Variants in PPWD1 observed in about 807,000 individuals in gnomAD.
PPWD1 encodes the protein peptidylprolyl isomerase domain and WD repeat-containing protein 1.
In PPWD1, 43 loss-of-function variants were observed where a neutral mutation model predicts 68.8. The observed-to-expected ratio is 0.62, with a 90% CI of 0.49 to 0.81. PPWD1 has a LOEUF of 0.81. Among genes scored for constraint, PPWD1 ranks in the 30% least tolerant of loss-of-function variants. The probability of loss-of-function intolerance (pLI) is 0.00; values close to 1 mark genes in which losing one functional copy is unlikely to be tolerated. For synonymous variants in PPWD1, 232 were observed against 258.7 expected (o/e 0.90, Z 0.99); for missense variants, 672 against 804.8 (o/e 0.83, Z 2.00).
chr5:65,586,245 C>A, intron 10 of PPWD1, 64 bp downstream of exon 10: 1 of 1,442,264 alleles, frequency 6.9e-7, no homozygotes, highest in South Asian at 1.4e-5. Context: ...AGAGTGAACT[C>A]AGTAGAAGAG....
chr5:65,578,638 T>C (rs985504417), intron 6 of PPWD1, among the ~76,000 whole-genome samples: 4 of 151,366 alleles, frequency 2.6e-5, no homozygotes, highest in Non-Finnish European at 5.9e-5. Flanking sequence ...TTTGATGAAG[T>C]ATATGTGAAG....
chr5:65,570,320 T>C, intron 4 of PPWD1: 4 of 885,762 alleles, frequency 4.5e-6, no homozygotes, highest in Non-Finnish European at 5.4e-6. Flanking sequence ...CTTGCTTTAC[T>C]TATTTCAGTA....
chr5:65,572,411 T>A, intron 5 of PPWD1, 125 bp downstream of exon 5: 1 of 1,018,100 alleles, frequency 9.8e-7, no homozygotes, highest in Non-Finnish European at 1.4e-6. Flanking sequence ...CTTAGCACAT[T>A]AGAGATATTC....
Position 65,579,467 on chromosome 5 carries a change from C to A in PPWD1, c.1204C>A (p.Gln402Lys). Residue 402 changes from glutamine (Q) to lysine (K), a missense_variant, in exon 7 of 11, where the codon CAA becomes AAA. By Grantham distance (53) the Gln-to-Lys change is moderately conservative (BLOSUM62 1). This residue lies in a region of PPWD1 where 484 missense variants were observed against 646.2 expected (regional missense o/e 0.75). Transcript: ENST00000261308. Reference protein sequence around the residue: ...LGKQENIRVMQLALFQGIAKK... With the variant: ...LGKQENIRVMKLALFQGIAKK... The stretch of plus-strand genomic sequence containing the variant: ...CAAACAAGAAAATATTAGAGTGATG[C>A]AATTGGCTTTGTTCCAGGGGATAGC... The A allele has an allele frequency of 6.3e-7, 1 of 1,594,550 alleles. No individual in the cohort carries two copies. Among genetic ancestry groups the A allele is most frequent in the Non-Finnish European group, 8.5e-7 (1 of 1,173,026 alleles).
intron 6 of PPWD1, among the ~76,000 whole-genome samples, chr5:65,577,770 G>A (rs1753368849): frequency 6.6e-6 from 1 of 152,130 alleles, no homozygotes; most frequent in African/African-American, 2.4e-5. Context: ...AAAATTAAGA[G>A]GAAGATACAG....
chr5:65,569,015 A>C (rs1027245785), intron 2 of PPWD1: 2 of 455,666 alleles, frequency 4.4e-6, no homozygotes, highest in Middle Eastern at 3.3e-4. Context: ...TTAACATTTT[A>C]AAACTATTTC....
At chr5:65,573,458 A>T (rs1184960573) in intron 5 of PPWD1, among the ~76,000 whole-genome samples, 12 of 75,574 alleles carry the variant, frequency 1.6e-4, no homozygotes, top group Non-Finnish European at 2.0e-4. Context: ...ACACTTAGCT[A>T]ATATATATAT....
chr5:65,569,015 A>G (rs1027245785), intron 2 of PPWD1: 16 of 455,782 alleles, frequency 3.5e-5, no homozygotes, highest in Middle Eastern at 3.3e-4. Flanking sequence ...TTAACATTTT[A>G]AAACTATTTC....
Position 65,563,443 on chromosome 5 carries a change from G to A in PPWD1, c.133G>A (p.Glu45Lys), listed in dbSNP as rs1561715339. The A allele has an allele frequency of 1.2e-6, 2 of 1,614,136 alleles. No individual in the cohort carries two copies. The highest frequency in any genetic ancestry group is 2.2e-5 in the East Asian group (1 of 44,874). ...AVAVSQENDEENEERWVGPLP... is the reference protein window; with the variant it reads ...AVAVSQENDEKNEERWVGPLP... ...GGCGGTGTCCCAGGAGAACGATGAG[G>A]AGAACGAAGAGCGCTGGGTTGGACC... Residue 45 changes from glutamate (E) to lysine (K), a missense_variant, in exon 1 of 11, where the codon GAG becomes AAG. Around this residue, in one of 2 missense-constraint regions of PPWD1, gnomAD observed 188 missense variants for 158.6 expected, o/e 1.19. Coordinates refer to ENST00000261308, the MANE Select transcript of PPWD1 (RefSeq NM_015342.4).
chr5:65,566,946 G>C (rs372181312), intron 1 of PPWD1, among the ~76,000 whole-genome samples: 15 of 151,624 alleles, frequency 9.9e-5, no homozygotes, highest in African/African-American at 3.6e-4. Context: ...AAAAATTTGA[G>C]ATACATTCAA....
At chr5:65,573,642 G>A (rs1753141620) in intron 5 of PPWD1, among the ~76,000 whole-genome samples, 1 of 147,446 alleles carries the variant, frequency 6.8e-6, no homozygotes, top group Non-Finnish European at 1.5e-5. Context: ...CCAAAGTGCT[G>A]GGATTACAGG....
intron 1 of PPWD1, chr5:65,564,023 G>A (rs1385412928): frequency 1.8e-5 from 11 of 613,270 alleles, no homozygotes; most frequent in Non-Finnish European, 2.8e-5. Context: ...AAGCTTCCTA[G>A]ATCACAGATT....
Position 65,569,091 on chromosome 5 carries a change from A to T in PPWD1, c.300-541A>T, listed in dbSNP as rs180679160. 5.7e-3 allele frequency: 2,591 copies of T among 451,544 alleles called. 61 individuals are homozygous for T. The highest frequency in any genetic ancestry group is 0.048 in the African/African-American group (2,375 of 49,944). 28.0% of individuals were successfully genotyped at this position (451,544 alleles called of 1,614,324 possible). A position where few individuals can be genotyped will look rare whatever the true frequency, so the allele number is the denominator to read the frequency against. On this transcript the variant is annotated intron_variant, in intron 2 of 10. Coordinates refer to ENST00000261308, the MANE Select transcript of PPWD1 (RefSeq NM_015342.4). ...AAAATTAACTAAGGTAATATGTACA[A>T]AGTACCTGACATATACTGGGTTTCC...
chr5:65,570,387 T>C (rs1752960068), intron 4 of PPWD1: 8 of 838,734 alleles, frequency 9.5e-6, no homozygotes, highest in Non-Finnish European at 1.1e-5. Context: ...AAGCTATTTA[T>C]TGGTGACTTT....
At chr5:65,578,069 T>G (rs1753386932) in intron 6 of PPWD1, among the ~76,000 whole-genome samples, 1 of 152,238 alleles carries the variant, frequency 6.6e-6, no homozygotes, top group Non-Finnish European at 1.5e-5. Context: ...TTTTGCCTCT[T>G]CCAGAATGTG....
rs537709336 is a variant in PPWD1 at position 65,572,191 on chromosome 5, G to A, written c.874G>A (p.Gly292Arg). 6.2e-7 allele frequency: 1 copy of A among 1,613,650 alleles called. No individual in the cohort carries two copies. Among genetic ancestry groups the A allele is most frequent in the Non-Finnish European group, 8.5e-7 (1 of 1,179,598 alleles). The part of the protein sequence containing the change: ...YPTSVCFSPD[G>R]KKIATIGSDR... ...AACCAGCGTATGTTTTTCACCAGAT[G>A]GGAAGAAAATAGCTACTATTGGTTC... Residue 292 changes from glycine (G) to arginine (R), a missense_variant, in exon 5 of 11, where the codon GGG (glycine) becomes AGG (arginine). Physicochemically the swap from Gly to Arg is moderately radical, Grantham distance 125. This residue lies in a region of PPWD1 where 484 missense variants were observed against 646.2 expected (regional missense o/e 0.75). Transcript: ENST00000261308.
intron 5 of PPWD1, among the ~76,000 whole-genome samples, chr5:65,575,016 A>C (rs1753220068): frequency 2.0e-5 from 3 of 152,216 alleles, no homozygotes; most frequent in Non-Finnish European, 2.9e-5. Context: ...GTTTCTAACC[A>C]GTCGGAATCC....
chr5:65,579,713 T>C (rs1342498914), intron 7 of PPWD1, 100 bp downstream of exon 7: 3 of 811,030 alleles, frequency 3.7e-6, no homozygotes, highest in East Asian at 6.6e-5. Context: ...TTGGCACTAA[T>C]AGCAGACTTC....
At position 65,586,105 on chromosome 5, in the gene PPWD1, G is replaced by A. The variant is rs1753836152; in HGVS notation, c.1721G>A (p.Arg574Lys). 6.2e-7 allele frequency: 1 copy of A among 1,613,476 alleles called. No individual in the cohort carries two copies. The highest frequency in any genetic ancestry group is 8.5e-7 in the Non-Finnish European group (1 of 1,179,500). The change falls in exon 10 of 11, where the codon AGG becomes AAG. Residue 574 changes from arginine to lysine, a missense_variant. Physicochemically the swap from Arg to Lys is conservative, Grantham distance 26. Transcript: ENST00000261308. ...TTTCATTCAACATTACGACATGACA[G>A]GCCATACACACTCAGCATGGCTAAC... ...DEFHSTLRHD[R>K]PYTLSMANAG... is the part of the protein sequence containing the mutation.
Sources: gnomAD v4.1 joint callset for allele counts (sites outside exome capture counted in the v4.1 genomes callset) on GRCh38, gnomAD v4.1.1 for gene constraint, gnomAD v4.1.1 regional missense constraint, MANE v1.5 for transcripts, NCBI Gene and HGNC (gene_info 2026-07-23, HGNC 2026-07-21) for gene names.